Variants in PDE4B observed in about 807,000 individuals in gnomAD.
PDE4B encodes phosphodiesterase 4B.
A neutral mutation model predicts 82.2 loss-of-function variants in PDE4B; 20 were observed. The ratio of observed to expected loss-of-function variants is 0.24; its 90% confidence interval spans 0.17 to 0.35. The LOEUF is 0.35. Ranked by LOEUF, PDE4B falls within the 10% of genes least tolerant of loss-of-function variation. PDE4B has a pLI of 1.00. For missense variants in PDE4B, 655 were observed against 907.2 expected, an observed-to-expected ratio of 0.72 and a Z score of 3.57; for synonymous variants, 320 against 318.9, an observed-to-expected ratio of 1.00 and a Z score of -0.04.
intron 3 of PDE4B, among the ~76,000 whole-genome samples, chr1:65,933,006 G>A (rs1231489962): frequency 6.6e-6 from 1 of 151,894 alleles, no homozygotes. Flanking sequence ...GGAGGAGAGA[G>A]GAGAGAGAGA....
intron 1 of PDE4B, among the ~76,000 whole-genome samples, chr1:65,822,423 C>T (rs976629229): frequency 6.6e-6 from 1 of 151,710 alleles, no homozygotes; most frequent in Non-Finnish European, 1.5e-5. Context: ...CCTTTTTTTC[C>T]CCAAAGTGGT....
intron 3 of PDE4B, among the ~76,000 whole-genome samples, chr1:66,206,002 C>T (rs1557633560): frequency 1.3e-5 from 2 of 152,122 alleles, no homozygotes; most frequent in South Asian, 2.1e-4. Context: ...TGGAGAGGTG[C>T]GCTGAAGCAA....
intron 3 of PDE4B, among the ~76,000 whole-genome samples, chr1:65,962,444 A>G (rs1186497588): frequency 6.6e-6 from 1 of 152,154 alleles, no homozygotes; most frequent in Non-Finnish European, 1.5e-5. Flanking sequence ...CTGTTTTACT[A>G]GGGACATAGG....
intron 1 of PDE4B, among the ~76,000 whole-genome samples, chr1:65,816,262 G>T (rs897981414): frequency 6.9e-6 from 1 of 144,972 alleles, no homozygotes; most frequent in African/African-American, 2.5e-5. Context: ...TTGGTTTTGG[G>T]GTGGGGTGGT....
intron 3 of PDE4B, among the ~76,000 whole-genome samples, chr1:65,982,795 G>C (rs1410379585): frequency 6.6e-6 from 1 of 152,184 alleles, no homozygotes; most frequent in Non-Finnish European, 1.5e-5. Context: ...CTATCTGGCT[G>C]GTTGATAATG....
chr1:66,152,410 C>G, intron 3 of PDE4B: 1 of 210,840 alleles, frequency 4.7e-6, no homozygotes, highest in East Asian at 9.6e-5. Flanking sequence ...GATGAGCAGG[C>G]AGGGTGGCAG....
intron 1 of PDE4B, among the ~76,000 whole-genome samples, chr1:65,828,211 G>A (rs532636906): frequency 2.6e-5 from 4 of 152,216 alleles, no homozygotes; most frequent in African/African-American, 9.6e-5. Context: ...ATCAGTAATG[G>A]AATAAGTAAA....
chr1:66,172,661 T>TC (rs1646859524), intron 3 of PDE4B, among the ~76,000 whole-genome samples: 1 of 152,228 alleles, frequency 6.6e-6, no homozygotes, highest in Non-Finnish European at 1.5e-5. Context: ...TGTAAGATGG[T>TC]AGCTCATCAT....
At chr1:65,795,892 T>C (rs1467188059) in intron 1 of PDE4B, among the ~76,000 whole-genome samples, 1 of 152,244 alleles carries the variant, frequency 6.6e-6, no homozygotes, top group Non-Finnish European at 1.5e-5. Flanking sequence ...ACTATGTTCT[T>C]ACCCCATACA....
intron 7 of PDE4B, among the ~76,000 whole-genome samples, chr1:66,314,218 G>A (rs538369601): frequency 2.0e-5 from 3 of 152,162 alleles, no homozygotes; most frequent in African/African-American, 7.2e-5. Flanking sequence ...ATCTTCCCCA[G>A]GTTCCCAACT....
At chr1:66,369,764 A>C (rs549298515) in intron 16 of PDE4B, among the ~76,000 whole-genome samples, 6 of 152,198 alleles carry the variant, frequency 3.9e-5, no homozygotes, top group Non-Finnish European at 8.8e-5. Context: ...GGATACTCCA[A>C]ATTTGCATAT....
chr1:65,923,065 A>G (rs1159364046), intron 3 of PDE4B, among the ~76,000 whole-genome samples: 1 of 152,034 alleles, frequency 6.6e-6, no homozygotes, highest in Non-Finnish European at 1.5e-5. Context: ...AAGTTCAAAA[A>G]ATGAAGTTCT....
intron 8 of PDE4B, among the ~76,000 whole-genome samples, chr1:66,337,591 G>A (rs894737755): frequency 6.6e-6 from 1 of 152,118 alleles, no homozygotes; most frequent in Non-Finnish European, 1.5e-5. Flanking sequence ...GAAAGAGGAG[G>A]GCCAACCCAT....
chr1:66,082,262 A>C (rs1656781321), intron 3 of PDE4B, among the ~76,000 whole-genome samples: 1 of 152,112 alleles, frequency 6.6e-6, no homozygotes, highest in South Asian at 2.1e-4. Context: ...GGCTGAGAAC[A>C]AGGAGCCTCC....
chr1:66,372,121 A>G (rs1165739461), intron 16 of PDE4B, among the ~76,000 whole-genome samples, 192 bp from the exon 17 acceptor site: 1 of 152,216 alleles, frequency 6.6e-6, no homozygotes, highest in East Asian at 1.9e-4. Context: ...CTTACCTTCC[A>G]GGATTAAGAG....
chr1:65,909,310 C>T (rs1259867502), intron 1 of PDE4B, among the ~76,000 whole-genome samples: 3 of 152,050 alleles, frequency 2.0e-5, no homozygotes, highest in African/African-American at 7.2e-5. Flanking sequence ...CTCATTTCTG[C>T]ATGGTTTTGT....
At chr1:66,252,310 T>C (rs1456047058) in intron 4 of PDE4B, among the ~76,000 whole-genome samples, 1 of 152,148 alleles carries the variant, frequency 6.6e-6, no homozygotes, top group Non-Finnish European at 1.5e-5. Context: ...TGAATTAAGA[T>C]TAAAGAAGCT....
At chr1:66,032,530 C>T (rs139722883) in intron 3 of PDE4B, among the ~76,000 whole-genome samples, 123 of 152,180 alleles carry the variant, frequency 8.1e-4, no homozygotes, top group African/African-American at 2.6e-3. Flanking sequence ...AGTATGTGCA[C>T]GTAAAATAGT....
intron 6 of PDE4B, among the ~76,000 whole-genome samples, chr1:66,259,460 C>CT (rs1207035334): frequency 6.6e-6 from 1 of 152,144 alleles, no homozygotes; most frequent in Non-Finnish European, 1.5e-5. Context: ...ACTTACTGTT[C>CT]TTTCTTCCTA....
Sources: allele counts gnomAD v4.1 joint callset (sites outside exome capture counted in the v4.1 genomes callset), GRCh38; gene constraint gnomAD v4.1.1; transcripts MANE v1.5; gene names NCBI Gene and HGNC (gene_info 2026-07-23, HGNC 2026-07-21).